The following LILRA6 variants were observed in gnomAD, a reference collection of about 807,000 sequenced individuals.
LILRA6 encodes the protein leukocyte immunoglobulin like receptor A6.
LILRA6 carries 16 observed loss-of-function variants against 53.9 expected under a neutral mutation model. That is an observed-to-expected ratio of 0.30 (90% confidence interval 0.20 to 0.45). The LOEUF (loss-of-function observed/expected upper bound fraction) is 0.45. LILRA6 is among the 20% of genes least tolerant of loss of function. The pLI is 1.00. For synonymous variants in LILRA6, 135 were observed against 256.4 expected, an observed-to-expected ratio of 0.53 and a Z score of 4.52; for missense variants, 306 against 618.6, an observed-to-expected ratio of 0.49 and a Z score of 5.36.
At chr19:54,239,723 C>T (rs1400135159) in intron 7 of LILRA6, 178 bp downstream of exon 7, 12 of 1,539,184 alleles carry the variant, frequency 7.8e-6, no homozygotes, top group East Asian at 2.4e-5. Context: ...CAGCCCGGCT[C>T]CTCCTCCTGG....
chr19:54,237,523 C>T (rs2078653974), downstream of LILRA6: 2 of 150,968 alleles, frequency 1.3e-5, no homozygotes, highest in South Asian at 2.1e-4. Flanking sequence ...ACCAATAACT[C>T]GAAGTGGATT....
At position 54,238,622 on chromosome 19, in the gene LILRA6, G is replaced by T. The variant is rs186143434; in HGVS notation, c.*331C>A. On this transcript the variant is annotated 3_prime_UTR_variant, in exon 8 of 8. Coordinates refer to ENST00000396365, the Ensembl canonical transcript of LILRA6. ...GGAGACTGCCATACAAGCTGGGAAG[G>T]AGGAATCAGATGATATTGTCATGAA... 159 of 305,116 alleles carry T rather than the reference G, an allele frequency of 5.2e-4. 6 individuals carry two copies. Among genetic ancestry groups the T allele is most frequent in the African/African-American group, 3.2e-3 (147 of 45,430 alleles). The allele number at this position is 305,116 out of a possible 1,614,324, so 18.9% of individuals were successfully genotyped here.
At position 54,238,855 on chromosome 19, in the gene LILRA6, C is replaced by T. The variant is rs182595144; in HGVS notation, c.*98G>A. 177 of 1,534,350 alleles carry T rather than the reference C, an allele frequency of 1.2e-4. 5 individuals are homozygous for T. The East Asian group carries it at 2.9e-3, about 25-fold the overall frequency. On this transcript the variant is annotated 3_prime_UTR_variant, in exon 8 of 8. Coordinates refer to ENST00000396365, the Ensembl canonical transcript of LILRA6. Reference sequence around the variant, plus strand: ...GTGTGTGGCCTGAAATCTCACCCCCCTCTGGAGGTCCTAGATTGTCCTCCA... The same window carrying T: ...GTGTGTGGCCTGAAATCTCACCCCCTTCTGGAGGTCCTAGATTGTCCTCCA...
intron 7 of LILRA6, chr19:54,239,638 G>T: frequency 1.4e-6 from 2 of 1,415,134 alleles, no homozygotes; most frequent in Non-Finnish European, 1.9e-6. Context: ...ACCCTGGGGG[G>T]TTGAGGGGCT....
At chr19:54,240,539 C>A in exon 6 of LILRA6, 2 of 1,609,616 alleles carry the variant, frequency 1.2e-6, no homozygotes, top group Non-Finnish European at 8.5e-7. Context: ...CTGTGGGGCC[C>A]GGCTGTGCTG....
downstream of LILRA6, chr19:54,236,842 G>C (rs1302729176): frequency 1.3e-5 from 2 of 150,932 alleles, no homozygotes; most frequent in African/African-American, 5.0e-5. Context: ...AGCTACAAAA[G>C]TGGGCCTTGT....
chr19:54,239,336 C>T (rs1266953160), intron 7 of LILRA6: 2 of 1,257,910 alleles, frequency 1.6e-6, no homozygotes, highest in African/African-American at 1.6e-5. Context: ...TTCTTCCAGG[C>T]CTCATGACGT....
chr19:54,238,962 G>T, exon 8 of LILRA6: 1 of 1,611,110 alleles, frequency 6.2e-7, no homozygotes, highest in Non-Finnish European at 8.5e-7. Context: ...TTCACCTCCC[G>T]GCTGCATCTT....
chr19:54,238,734 A>T lies in LILRA6; in HGVS notation c.*219T>A, dbSNP rs376211361. On this transcript the variant is annotated 3_prime_UTR_variant, in exon 8 of 8. Transcript: ENST00000396365. ...GAGAAGCACTTCACACTCACCCATG[A>T]GCTCTTTTCCGTGGGTCTCAACTGG... 63 of 745,882 alleles carry T rather than the reference A, an allele frequency of 8.4e-5. 6 individuals carry two copies. In the African/African-American group the frequency reaches 1.0e-3, roughly 12 times the overall value. 46.2% of individuals were successfully genotyped at this position (745,882 alleles called of 1,614,324 possible).
exon 6 of LILRA6, chr19:54,240,292 G>C: frequency 6.2e-7 from 1 of 1,603,510 alleles, no homozygotes; most frequent in Non-Finnish European, 8.5e-7. Flanking sequence ...ATGAGTTCCA[G>C]GGGCTCACTG....
Position 54,239,957 on chromosome 19 carries a change from A to G in LILRA6, c.1259-6T>C, listed in dbSNP as rs2078705364. The G allele has an allele frequency of 6.5e-7, 1 of 1,549,126 alleles. No homozygotes were observed. Among genetic ancestry groups the G allele is most frequent in the Non-Finnish European group, 8.7e-7 (1 of 1,146,732 alleles). ...GCTGGAGCCTCCAGAGTGTCCTGGAAGGAGCACGGGAGGCGGGTGAGGGGC... is the reference window on the plus strand; with the variant it reads ...GCTGGAGCCTCCAGAGTGTCCTGGAGGGAGCACGGGAGGCGGGTGAGGGGC... On this transcript the variant is annotated splice_polypyrimidine_tract_variant and splice_region_variant and intron_variant, in intron 6 of 7. Transcript: ENST00000396365.
chr19:54,238,176 T>A (rs564193531), downstream of LILRA6: 2 of 150,696 alleles, frequency 1.3e-5, no homozygotes, highest in South Asian at 4.2e-4. Context: ...TAGCTGAAAT[T>A]ACAGGCACCT....
At chr19:54,239,271 CA>C in intron 7 of LILRA6, 182 bp from the exon 8 acceptor site, 2 of 1,502,694 alleles carry the variant, frequency 1.3e-6, no homozygotes, top group South Asian at 2.7e-5. Context: ...TCCTGAGAAT[CA>C]AAACAGAAGG....
chr19:54,236,680 G>C (rs1791372649), downstream of LILRA6: 2 of 151,160 alleles, frequency 1.3e-5, no homozygotes, highest in South Asian at 4.2e-4. Flanking sequence ...AATGGATAAG[G>C]AACATGTGGT....
intron 5 of LILRA6, 97 bp downstream of exon 5, chr19:54,240,734 G>T: frequency 6.3e-7 from 1 of 1,589,568 alleles, no homozygotes; most frequent in Non-Finnish European, 8.6e-7. Context: ...CCCTCCCTTG[G>T]GACCCCCACC....
chr19:54,239,126 G>A (rs1261750764), intron 7 of LILRA6, 37 bp from the exon 8 acceptor site: 2 of 1,609,266 alleles, frequency 1.2e-6, no homozygotes, highest in East Asian at 2.2e-5. Context: ...AGAGGTCCGG[G>A]CAGATCAACT....
At chr19:54,238,838 C>T (rs2078671186) in exon 8 of LILRA6, 8 of 1,503,684 alleles carry the variant, frequency 5.3e-6, no homozygotes, top group Non-Finnish European at 7.1e-6. Context: ...CAGTGTGTGG[C>T]CTGAAATCTC....
At chr19:54,237,160 C>G (rs10426018), downstream of LILRA6, 1 of 150,530 alleles carries the variant, frequency 6.6e-6, no homozygotes, top group Non-Finnish European at 1.5e-5. Flanking sequence ...GTCAGGAGTT[C>G]GAGACCAGCC....
At chr19:54,240,540 G>A (rs560224498) in exon 6 of LILRA6, 145 of 1,609,792 alleles carry the variant, frequency 9.0e-5, no homozygotes, top group Middle Eastern at 5.0e-4. Context: ...TGTGGGGCCC[G>A]GCTGTGCTGA....
Sources: gnomAD v4.1 joint callset for allele counts on GRCh38, gnomAD v4.1.1 for gene constraint, MANE v1.5 for transcripts, NCBI Gene and HGNC (gene_info 2026-07-23, HGNC 2026-07-21) for gene names.